Variants in ARHGAP42 observed in about 807,000 individuals in gnomAD.
ARHGAP42 encodes the protein rho GTPase-activating protein 42.
A neutral mutation model predicts 125.0 loss-of-function variants in ARHGAP42; 63 were observed. The observed-to-expected ratio is 0.50, with a 90% CI of 0.41 to 0.62. The LOEUF is 0.62. Ranked by LOEUF, ARHGAP42 falls within the 20% of genes least tolerant of loss-of-function variation. The pLI, the probability that ARHGAP42 is intolerant of heterozygous loss-of-function variation, is 0.00. For missense variants in ARHGAP42, 766 were observed against 1,024.2 expected, an observed-to-expected ratio of 0.75 and a Z score of 3.44; for synonymous variants, 339 against 351.0, an observed-to-expected ratio of 0.97 and a Z score of 0.38.
intron 3 of ARHGAP42, among the ~76,000 whole-genome samples, chr11:100,845,502 TA>T (rs199956318): frequency 6.7e-6 from 1 of 150,252 alleles, no homozygotes; most frequent in Non-Finnish European, 1.5e-5. Flanking sequence ...CCTATGAAAA[TA>T]AAAAAAAACT....
intron 3 of ARHGAP42, among the ~76,000 whole-genome samples, chr11:100,832,305 T>C (rs1312350468): frequency 6.6e-6 from 1 of 152,240 alleles, no homozygotes; most frequent in African/African-American, 2.4e-5. Flanking sequence ...CCACGGGATG[T>C]AGCTGATATT....
chr11:100,778,941 C>T (rs1304751081), intron 2 of ARHGAP42, among the ~76,000 whole-genome samples: 3 of 152,096 alleles, frequency 2.0e-5, no homozygotes, highest in Admixed American at 2.0e-4. Context: ...GTACAGAGGG[C>T]TCACTTGCTT....
intron 1 of ARHGAP42, among the ~76,000 whole-genome samples, chr11:100,697,182 T>G (rs553610741): frequency 3.0e-3 from 225 of 75,980 alleles, no homozygotes; most frequent in Non-Finnish European, 5.3e-3. Context: ...GTTGTTTTGG[T>G]TTTTTTTTTT....
intron 12 of ARHGAP42, among the ~76,000 whole-genome samples, chr11:100,950,996 A>G (rs1202619935): frequency 6.6e-6 from 1 of 152,050 alleles, no homozygotes; most frequent in Non-Finnish European, 1.5e-5. Context: ...GATTACAGGC[A>G]TGAGCCACTG....
intron 10 of ARHGAP42, among the ~76,000 whole-genome samples, chr11:100,945,896 C>A (rs1224318658): frequency 1.3e-5 from 2 of 152,020 alleles, no homozygotes; most frequent in African/African-American, 4.8e-5. Context: ...AAGAGTCAGC[C>A]TATTTGAAGC....
intron 1 of ARHGAP42, 57 bp downstream of exon 1, chr11:100,687,889 C>A: frequency 6.7e-7 from 1 of 1,482,038 alleles, no homozygotes; most frequent in South Asian, 1.3e-5. Context: ...CCGCGGGGTG[C>A]GGGTCCGAAG....
intron 1 of ARHGAP42, among the ~76,000 whole-genome samples, chr11:100,761,942 A>G (rs768282582): frequency 7.2e-5 from 11 of 152,240 alleles, no homozygotes; most frequent in Non-Finnish European, 1.6e-4. Context: ...CTTACGATTC[A>G]GAGGGGCTAA....
intron 4 of ARHGAP42, among the ~76,000 whole-genome samples, chr11:100,884,832 T>C (rs1591266833): frequency 6.6e-6 from 1 of 152,186 alleles, no homozygotes; most frequent in Non-Finnish European, 1.5e-5. Flanking sequence ...CAGAAGTAGA[T>C]AGAGAGCCTG....
At chr11:100,828,055 G>A (rs1284067423) in intron 3 of ARHGAP42, among the ~76,000 whole-genome samples, 1 of 152,172 alleles carries the variant, frequency 6.6e-6, no homozygotes, top group East Asian at 1.9e-4. Context: ...CTATCACTGA[G>A]CAGGTGAAAA....
chr11:100,827,732 G>C (rs1449892203), intron 3 of ARHGAP42, among the ~76,000 whole-genome samples: 1 of 152,176 alleles, frequency 6.6e-6, no homozygotes, highest in African/African-American at 2.4e-5. Flanking sequence ...AATAACCTGT[G>C]AAAATAATAT....
chr11:100,818,727 C>T (rs1204759216), intron 3 of ARHGAP42, among the ~76,000 whole-genome samples: 1 of 152,096 alleles, frequency 6.6e-6, no homozygotes, highest in Non-Finnish European at 1.5e-5. Context: ...CTATCTGATT[C>T]GAAGTGGTAC....
intron 1 of ARHGAP42, among the ~76,000 whole-genome samples, chr11:100,768,653 G>C (rs747619064): frequency 3.7e-4 from 57 of 152,168 alleles, no homozygotes; most frequent in Non-Finnish European, 7.1e-4. Context: ...TATTGATGTA[G>C]ACATCTGTGG....
intron 3 of ARHGAP42, among the ~76,000 whole-genome samples, chr11:100,810,482 C>G (rs901841519): frequency 3.3e-5 from 5 of 152,130 alleles, no homozygotes; most frequent in African/African-American, 1.2e-4. Flanking sequence ...AAACTTCTGC[C>G]AAACCTTTGT....
chr11:100,725,176 T>A (rs143243770), intron 1 of ARHGAP42, among the ~76,000 whole-genome samples: 290 of 136,746 alleles, frequency 2.1e-3, no homozygotes, highest in Non-Finnish European at 3.3e-3. Context: ...ATATTTTTCC[T>A]TTTTTTTTTT....
chr11:100,842,456 T>C (rs1864965278), intron 3 of ARHGAP42, among the ~76,000 whole-genome samples: 2 of 152,322 alleles, frequency 1.3e-5, no homozygotes, highest in South Asian at 4.1e-4. Context: ...TATTATTCTG[T>C]CTTACATTTT....
intron 3 of ARHGAP42, among the ~76,000 whole-genome samples, chr11:100,827,155 A>G (rs967064433): frequency 1.3e-5 from 2 of 151,802 alleles, no homozygotes; most frequent in Non-Finnish European, 2.9e-5. Context: ...ATGGGCTGCC[A>G]CCACGCCCAA....
At chr11:100,780,495 G>T (rs969817757) in intron 2 of ARHGAP42, among the ~76,000 whole-genome samples, 7 of 152,190 alleles carry the variant, frequency 4.6e-5, no homozygotes, top group African/African-American at 1.7e-4. Flanking sequence ...GATATGGGCA[G>T]AACAGTGATG....
intron 5 of ARHGAP42, among the ~76,000 whole-genome samples, chr11:100,917,590 G>A (rs1030359129): frequency 2.6e-5 from 4 of 151,912 alleles, no homozygotes; most frequent in African/African-American, 9.7e-5. Context: ...TTTGTTTTTT[G>A]AGACCAAGTC....
intron 2 of ARHGAP42, among the ~76,000 whole-genome samples, chr11:100,781,919 T>TGC (rs1863322430): frequency 6.7e-6 from 1 of 148,776 alleles, no homozygotes; most frequent in Admixed American, 7.0e-5. Context: ...GCACACTGGC[T>TGC]GCACCACCAC....
Sources: allele counts gnomAD v4.1 joint callset (sites outside exome capture counted in the v4.1 genomes callset), GRCh38; gene constraint gnomAD v4.1.1; transcripts MANE v1.5; gene names NCBI Gene and HGNC (gene_info 2026-07-23, HGNC 2026-07-21).